Variants in PTPRT observed in about 807,000 individuals in gnomAD.
PTPRT encodes the protein protein tyrosine phosphatase receptor type T.
PTPRT carries 56 observed loss-of-function variants against 176.8 expected under a neutral mutation model. The observed-to-expected ratio is 0.32, with a 90% CI of 0.26 to 0.40. PTPRT has a LOEUF of 0.40. Ranked by LOEUF, PTPRT falls within the 10% of genes least tolerant of loss-of-function variation. The probability of loss-of-function intolerance (pLI) is 1.00; values close to 1 mark genes in which losing one functional copy is unlikely to be tolerated. For synonymous variants in PTPRT, 783 were observed against 739.0 expected (o/e 1.06, Z -0.96); for missense variants, 1,540 against 1,908.2 (o/e 0.81, Z 3.60).
chr20:42,996,390 T>C (rs1244597263), intron 1 of PTPRT, among the ~76,000 whole-genome samples: 7 of 152,048 alleles, frequency 4.6e-5, no homozygotes, highest in Non-Finnish European at 1.0e-4. Context: ...GAATAGCATA[T>C]GTGAACCCAA....
intron 9 of PTPRT, among the ~76,000 whole-genome samples, chr20:42,423,491 A>G (rs1038989143): frequency 3.3e-5 from 5 of 152,010 alleles, no homozygotes; most frequent in Non-Finnish European, 7.4e-5. Context: ...CAGGCCCCTC[A>G]CTGGTCTCAG....
intron 7 of PTPRT, among the ~76,000 whole-genome samples, chr20:42,676,913 C>CA (rs2075514782): frequency 6.6e-6 from 1 of 152,154 alleles, no homozygotes. Context: ...GCCTGGGACA[C>CA]AGTTGGATCC....
At position 43,180,369 on chromosome 20, in the gene PTPRT, C is replaced by CTCTCTCTCTCTCTCTT. The variant is rs1208040640; in HGVS notation, c.88+9276_88+9277insAAGAGAGAGAGAGAGA. On this transcript the variant is annotated intron_variant, in intron 1 of 30. Coordinates refer to ENST00000373187, the MANE Select transcript of PTPRT (RefSeq NM_007050.6). ...TCTCTCTCTCTCTCTCTCTCTCTCT[C>CTCTCTCTCTCTCTCTT]TCTGCCCCCACCTCCCTCCCTTCCT... Among the ~76,000 whole-genome samples, 197 of 151,356 alleles carry CTCTCTCTCTCTCTCTT rather than the reference C, an allele frequency of 1.3e-3. 2 individuals carry two copies. Among genetic ancestry groups the CTCTCTCTCTCTCTCTT allele is most frequent in the African/African-American group, 4.6e-3 (191 of 41,076 alleles).
At chr20:42,736,183 GA>G (rs1269981820) in intron 6 of PTPRT, among the ~76,000 whole-genome samples, 1 of 152,176 alleles carries the variant, frequency 6.6e-6, no homozygotes, top group African/African-American at 2.4e-5. Flanking sequence ...CAATGGTGGG[GA>G]AAGTTTCAGG....
intron 16 of PTPRT, among the ~76,000 whole-genome samples, chr20:42,176,801 AAG>A (rs1276433132): frequency 6.6e-6 from 1 of 152,240 alleles, no homozygotes; most frequent in Non-Finnish European, 1.5e-5. Context: ...ATGTGCAAGA[AAG>A]AGAAAATGAA....
At chr20:42,482,780 GT>G (rs1332047000) in intron 7 of PTPRT, among the ~76,000 whole-genome samples, 1 of 152,082 alleles carries the variant, frequency 6.6e-6, no homozygotes, top group African/African-American at 2.4e-5. Context: ...TTACCCTGAA[GT>G]TTTTACTTTT....
chr20:42,911,602 A>G (rs1347381423), intron 1 of PTPRT, among the ~76,000 whole-genome samples: 5 of 152,156 alleles, frequency 3.3e-5, no homozygotes, highest in African/African-American at 1.2e-4. Context: ...ATATAAATCT[A>G]TGCACATGAA....
At chr20:42,700,216 C>T (rs1366850613) in intron 6 of PTPRT, among the ~76,000 whole-genome samples, 1 of 152,142 alleles carries the variant, frequency 6.6e-6, no homozygotes, top group Non-Finnish European at 1.5e-5. Flanking sequence ...ATGTGACCAC[C>T]AGCTTGAGAA....
chr20:43,099,418 A>G (rs2012301237), intron 1 of PTPRT, among the ~76,000 whole-genome samples: 1 of 152,028 alleles, frequency 6.6e-6, no homozygotes, highest in African/African-American at 2.4e-5. Context: ...GGAGGAATGG[A>G]CCCCACACAC....
At chr20:42,251,724 C>A (rs2867065) in intron 13 of PTPRT, among the ~76,000 whole-genome samples, 92,741 of 147,436 alleles carry the variant, frequency 0.63, 29,915 homozygotes, top group African/African-American at 0.78. Context: ...ACTTAAAAAA[C>A]AAAAAAAAGA....
intron 2 of PTPRT, among the ~76,000 whole-genome samples, chr20:42,868,599 AGGACATAAAGGTATATTAT>A (rs1274514365): frequency 6.6e-6 from 1 of 152,220 alleles, no homozygotes; most frequent in Non-Finnish European, 1.5e-5. Context: ...CAGCCTGGCC[AGGACATAAAGGTATATTAT>A]GGAGAGAATA....
rs113218752 is a variant in PTPRT, at chr20:42,284,243, A to G, written c.2140-1718T>C. Reference sequence around the variant, plus strand: ...GACTATCACTATTATCCTTACTTATATTGGGCTTCTATTAACATAGCTAAC... The same window carrying G: ...GACTATCACTATTATCCTTACTTATGTTGGGCTTCTATTAACATAGCTAAC... On this transcript the variant is annotated intron_variant, in intron 12 of 30. Transcript: ENST00000373187. 2.4e-4 allele frequency among the ~76,000 whole-genome samples: 37 copies of G among 152,110 alleles called. 1 individual carries two copies. Among genetic ancestry groups the G allele is most frequent in the African/African-American group, 8.2e-4 (34 of 41,524 alleles).
intron 1 of PTPRT, among the ~76,000 whole-genome samples, chr20:43,180,251 T>C (rs777433705): frequency 1.4e-4 from 22 of 151,966 alleles, no homozygotes; most frequent in Non-Finnish European, 2.6e-4. Context: ...CGGACTTACA[T>C]CATCAACTTT....
intron 6 of PTPRT, among the ~76,000 whole-genome samples, chr20:42,744,643 A>G (rs868372243): frequency 9.9e-5 from 15 of 151,796 alleles, no homozygotes; most frequent in Middle Eastern, 6.8e-3. Context: ...ACACAATAAT[A>G]GTTTATTATC....
intron 1 of PTPRT, among the ~76,000 whole-genome samples, chr20:42,900,840 A>G (rs749664424): frequency 6.6e-5 from 10 of 152,120 alleles, no homozygotes; most frequent in Non-Finnish European, 1.3e-4. Flanking sequence ...CTGAAGCACC[A>G]TAACCTAAGC....
chr20:42,172,286 AG>A (rs1600629021), intron 16 of PTPRT, among the ~76,000 whole-genome samples: 3 of 152,238 alleles, frequency 2.0e-5, no homozygotes, highest in Admixed American at 2.0e-4. Context: ...AAACAGCAAA[AG>A]CTGGCTCTTT....
chr20:42,639,537 T>C (rs962460668), intron 7 of PTPRT, among the ~76,000 whole-genome samples: 6 of 152,084 alleles, frequency 3.9e-5, no homozygotes, highest in Non-Finnish European at 5.9e-5. Context: ...ACGAATCATT[T>C]TGTAGGGGAC....
intron 2 of PTPRT, among the ~76,000 whole-genome samples, chr20:42,851,040 A>G (rs2078460158): frequency 6.6e-6 from 1 of 152,118 alleles, no homozygotes; most frequent in African/African-American, 2.4e-5. Context: ...ACTTCTTTAG[A>G]TCTGCACTTA....
intron 1 of PTPRT, among the ~76,000 whole-genome samples, chr20:42,921,764 G>A (rs1244664136): frequency 6.6e-6 from 1 of 152,150 alleles, no homozygotes; most frequent in African/African-American, 2.4e-5. Flanking sequence ...TCAGGGTCTT[G>A]CTGCCACTGG....
Sources: gnomAD v4.1 joint callset for allele counts (sites outside exome capture counted in the v4.1 genomes callset) on GRCh38, gnomAD v4.1.1 for gene constraint, MANE v1.5 for transcripts, NCBI Gene and HGNC (gene_info 2026-07-23, HGNC 2026-07-21) for gene names.